The following MSRB3 variants were observed in gnomAD, a reference collection of about 807,000 sequenced individuals.
MSRB3 encodes methionine sulfoxide reductase B3.
A neutral mutation model predicts 21.0 loss-of-function variants in MSRB3; 13 were observed. That is an observed-to-expected ratio of 0.62 (90% CI 0.40 to 0.98). The LOEUF (loss-of-function observed/expected upper bound fraction) is 0.98, where lower values mean the gene tolerates loss of function less well. MSRB3 is among the 50% of genes least tolerant of loss of function. The probability of loss-of-function intolerance (pLI) is 0.00; values close to 1 mark genes in which losing one functional copy is unlikely to be tolerated. For missense variants in MSRB3, 199 were observed against 230.3 expected (o/e 0.86, Z 0.88); for synonymous variants, 87 against 88.6 (o/e 0.98, Z 0.10).
chr12:65,368,164 G>GA (rs904305100), intron 4 of MSRB3, among the ~76,000 whole-genome samples: 2 of 151,640 alleles, frequency 1.3e-5, no homozygotes, highest in East Asian at 1.9e-4. Context: ...ATTTCTCCAG[G>GA]AAAAAAAAGT....
intron 5 of MSRB3, among the ~76,000 whole-genome samples, chr12:65,390,673 G>A (rs1297319503): frequency 6.6e-6 from 1 of 152,212 alleles, no homozygotes; most frequent in East Asian, 1.9e-4. Flanking sequence ...GTGAAAGAAT[G>A]TTCATAGAAC....
At chr12:65,340,060 G>T (rs930018881) in intron 4 of MSRB3, among the ~76,000 whole-genome samples, 2 of 152,148 alleles carry the variant, frequency 1.3e-5, no homozygotes, top group Non-Finnish European at 2.9e-5. Flanking sequence ...TTTATACACA[G>T]CCCAGATATA....
intron 4 of MSRB3, among the ~76,000 whole-genome samples, chr12:65,359,484 CT>C (rs773553910): frequency 2.0e-5 from 3 of 152,062 alleles, no homozygotes; most frequent in Non-Finnish European, 4.4e-5. Flanking sequence ...TTACTAACCC[CT>C]AATCTGCTTC....
intron 5 of MSRB3, among the ~76,000 whole-genome samples, chr12:65,442,971 G>A (rs997959691): frequency 6.6e-6 from 1 of 152,068 alleles, no homozygotes; most frequent in African/African-American, 2.4e-5. Context: ...GAAATGGTTT[G>A]AGTTCAGTAA....
chr12:65,308,803 C>A (rs944303060), intron 2 of MSRB3, 148 bp downstream of exon 2: 2 of 998,110 alleles, frequency 2.0e-6, no homozygotes, highest in Non-Finnish European at 3.1e-6. Flanking sequence ...TATAAATCAC[C>A]ACTCTACTTT....
intron 2 of MSRB3, among the ~76,000 whole-genome samples, chr12:65,323,398 T>C (rs991707188): frequency 6.6e-6 from 1 of 152,212 alleles, no homozygotes; most frequent in Non-Finnish European, 1.5e-5. Context: ...TATCTCAAAG[T>C]TACTCTGTAA....
At position 65,315,582 on chromosome 12, in the gene MSRB3, C is replaced by T. The variant is rs536902284; in HGVS notation, c.76+6927C>T. Among the ~76,000 whole-genome samples the T allele has an allele frequency of 2.8e-3, 421 of 148,376 alleles. 2 individuals are homozygous for T. Among genetic ancestry groups the T allele is most frequent in the African/African-American group, 1.0e-2 (400 of 40,196 alleles). On this transcript the variant is annotated intron_variant, in intron 2 of 6. Coordinates refer to ENST00000308259, the MANE Select transcript of MSRB3 (RefSeq NM_001031679.3). ...ACCCAGGAGGCTGAAGCAGGAGAAT[C>T]GCTTAAGCCCAGGAGGCAGAGGTTG...
chr12:65,420,748 G>A (rs1416837568), intron 5 of MSRB3, among the ~76,000 whole-genome samples: 1 of 152,022 alleles, frequency 6.6e-6, no homozygotes, highest in Non-Finnish European at 1.5e-5. Context: ...CTGTTCTTGT[G>A]TGCTAAGGAT....
intron 2 of MSRB3, among the ~76,000 whole-genome samples, chr12:65,313,633 G>A (rs111381425): frequency 4.4e-4 from 67 of 152,026 alleles, no homozygotes; most frequent in African/African-American, 1.5e-3. Flanking sequence ...TCTAAAACTC[G>A]GATCAGAACA....
At chr12:65,283,762 A>G (rs1872182644) in intron 1 of MSRB3, 1 of 152,170 alleles carries the variant, frequency 6.6e-6, no homozygotes, top group African/African-American at 2.4e-5. Context: ...CTGAGCATCC[A>G]TTGTTCCAGG....
rs1882979138 is a variant in MSRB3, at chr12:65,454,012, G to A, written c.390+187G>A. The stretch of plus-strand genomic sequence containing the variant: ...TCTAGTGGAATGTTAAGGTCGGCAT[G>A]ATAGCTCAAGCCTGTAATCCCATAC... On this transcript the variant is annotated intron_variant, in intron 6 of 6. Transcript: ENST00000308259. 21 of 688,446 alleles carry A rather than the reference G, an allele frequency of 3.1e-5. 1 individual carries two copies. In the South Asian group the frequency reaches 3.3e-4, roughly 11 times the overall value. The allele number at this position is 688,446 out of a possible 1,614,324, so 42.6% of individuals were successfully genotyped here.
chr12:65,402,690 G>A (rs1249396450), intron 5 of MSRB3, among the ~76,000 whole-genome samples: 1 of 152,126 alleles, frequency 6.6e-6, no homozygotes, highest in Admixed American at 6.5e-5. Context: ...AGGAGAAGAG[G>A]CATTCTGGTT....
rs909190902 is a variant in MSRB3, at chr12:65,404,939, ATAAC to A, written c.292+35918_292+35921del. Among the ~76,000 whole-genome samples, 4 of 151,776 alleles carry A rather than the reference ATAAC, an allele frequency of 2.6e-5. No homozygotes were observed. In the South Asian group the frequency reaches 6.3e-4, roughly 24 times the overall value. On this transcript the variant is annotated intron_variant, in intron 5 of 6. Coordinates refer to ENST00000308259, the MANE Select transcript of MSRB3 (RefSeq NM_001031679.3). The stretch of plus-strand genomic sequence containing the variant: ...CCCAACCCCTGACTACCAGCCCCTG[ATAAC>A]TAACCTTCTACTCAACTTTTTTTTT...
intron 5 of MSRB3, among the ~76,000 whole-genome samples, chr12:65,451,107 A>G (rs76644335): frequency 6.6e-6 from 1 of 152,194 alleles, no homozygotes; most frequent in African/African-American, 2.4e-5. Context: ...GTTCCACCAC[A>G]GTGAGTTACA....
intron 5 of MSRB3, among the ~76,000 whole-genome samples, chr12:65,412,993 A>G (rs780670621): frequency 3.3e-5 from 5 of 152,212 alleles, no homozygotes; most frequent in Non-Finnish European, 7.3e-5. Context: ...CCCACGATTC[A>G]GTTAACTCCA....
At chr12:65,392,048 C>T (rs12310671) in intron 5 of MSRB3, among the ~76,000 whole-genome samples, 7,211 of 152,154 alleles carry the variant, frequency 0.047, 572 homozygotes, top group African/African-American at 0.17. Context: ...TAAGCCAAAC[C>T]CTAACTTTGG....
chr12:65,317,036 A>G (rs1874343869), intron 2 of MSRB3, among the ~76,000 whole-genome samples: 1 of 152,152 alleles, frequency 6.6e-6, no homozygotes, highest in African/African-American at 2.4e-5. Flanking sequence ...AGAGAGAAAC[A>G]GAATGGACAA....
At chr12:65,420,397 T>A (rs1370650874) in intron 5 of MSRB3, among the ~76,000 whole-genome samples, 3 of 135,872 alleles carry the variant, frequency 2.2e-5, no homozygotes, top group Non-Finnish European at 5.1e-5. Flanking sequence ...TTCATGCAAG[T>A]TTTAAGATTT....
intron 5 of MSRB3, among the ~76,000 whole-genome samples, chr12:65,379,503 TC>T (rs1878825867): frequency 6.6e-6 from 1 of 152,194 alleles, no homozygotes. Flanking sequence ...CCTATTATGT[TC>T]CCTTATAACT....
Sources: gnomAD v4.1 joint callset for allele counts (sites outside exome capture counted in the v4.1 genomes callset) on GRCh38, gnomAD v4.1.1 for gene constraint, MANE v1.5 for transcripts, NCBI Gene and HGNC (gene_info 2026-07-23, HGNC 2026-07-21) for gene names.